The following DNAH9 variants were observed in gnomAD, a reference collection of about 807,000 sequenced individuals.
DNAH9 encodes DNAH9 variant protein.
In DNAH9, 345 loss-of-function variants were observed where a neutral mutation model predicts 471.6. The observed-to-expected ratio is 0.73, with a 90% CI of 0.67 to 0.80. DNAH9 has a LOEUF of 0.80. Ranked by LOEUF, DNAH9 falls within the 30% of genes least tolerant of loss-of-function variation. The pLI, the probability that DNAH9 is intolerant of heterozygous loss-of-function variation, is 0.00. For synonymous variants in DNAH9, 2,093 were observed against 2,123.6 expected (o/e 0.99, Z 0.40); for missense variants, 5,407 against 5,609.2 (o/e 0.96, Z 1.15).
chr17:11,960,192 T>C (rs562504033), intron 67 of DNAH9, among the ~76,000 whole-genome samples: 145 of 152,242 alleles, frequency 9.5e-4, no homozygotes, highest in Non-Finnish European at 1.5e-3. Context: ...TCCCAGCATT[T>C]TGGGAGGCCA....
At position 11,598,554 on chromosome 17, in the gene DNAH9, C is replaced by A; in HGVS notation, c.56C>A (p.Pro19His). ...GCGGCGGAGAACGCGGATGGGGAAC[C>A]CGGCGCCGACCGACGACTGCGACTC... ...ALAAENADGEPGADRRLRLLG... is the reference protein window; with the variant it reads ...ALAAENADGEHGADRRLRLLG... Residue 19 changes from proline to histidine, a missense_variant, in exon 1 of 69, where the codon CCC becomes CAC. By Grantham distance (77) the Pro-to-His change is moderately conservative. Transcript: ENST00000262442. 1.4e-6 allele frequency: 2 copies of A among 1,407,638 alleles called. No homozygotes were observed. Among genetic ancestry groups the A allele is most frequent in the Non-Finnish European group, 1.8e-6 (2 of 1,088,826 alleles). The allele number at this position is 1,407,638 out of a possible 1,614,324, so 87.2% of individuals were successfully genotyped here.
At chr17:11,700,377 C>G (rs2074568565) in intron 23 of DNAH9, among the ~76,000 whole-genome samples, 1 of 152,174 alleles carries the variant, frequency 6.6e-6, no homozygotes, top group East Asian at 1.9e-4. Flanking sequence ...GGAGAACAAA[C>G]TACCACCGTG....
chr17:11,749,734 T>C (rs1199001889), intron 32 of DNAH9, among the ~76,000 whole-genome samples: 1 of 152,144 alleles, frequency 6.6e-6, no homozygotes, highest in Non-Finnish European at 1.5e-5. Context: ...TTAAGTAAAC[T>C]ATCCTTTCCC....
In DNAH9 at chr17:11,629,431, G is replaced by C; in HGVS notation, c.1365G>C (p.Thr455=). 1.9e-6 allele frequency: 3 copies of C among 1,613,846 alleles called. No individual in the cohort carries two copies. The highest frequency in any genetic ancestry group is 2.5e-6 in the Non-Finnish European group (3 of 1,179,846). The part of the protein sequence containing the change: ...QLHVVEGLLK[T]ALDFHKLGKV... ...TGTCCCCATAGGGTCTTCTGAAGAC[G>C]GCCCTGGATTTCCACAAACTGGGAA... The change falls in exon 7 of 69, where the codon ACG becomes ACC. Residue 455 remains threonine (T), a synonymous_variant. Transcript: ENST00000262442.
At chr17:11,939,814 G>GGATGGATGGATGGATA (rs1974840232) in intron 66 of DNAH9, among the ~76,000 whole-genome samples, 10 of 150,920 alleles carry the variant, frequency 6.6e-5, no homozygotes. Flanking sequence ...ATACATGGAT[G>GGATGGATGGATGGATA]GATGGATGGA....
At position 11,959,079 on chromosome 17, in the gene DNAH9, A is replaced by C. The variant is rs888161853; in HGVS notation, c.12844-2788A>C. 4.0e-5 allele frequency among the ~76,000 whole-genome samples: 5 copies of C among 125,928 alleles called. No individual in the cohort carries two copies. In the South Asian group the frequency reaches 1.6e-3, roughly 40 times the overall value. 82.6% of individuals were successfully genotyped at this position (125,928 alleles called of 152,430 possible). ...AAGGCGTTTGACAAAATTGAACACC[A>C]AATCTTCATTTTAAAATATCAAAAA... On this transcript the variant is annotated intron_variant, in intron 67 of 68. Transcript: ENST00000262442.
Position 11,707,998 on chromosome 17 carries a change from CACACACACACACACACAGAGAGAGAGAG to C in DNAH9, c.5552+2815_5552+2842del, listed in dbSNP as rs1050310900. On this transcript the variant is annotated intron_variant, in intron 26 of 68. Transcript: ENST00000262442. ...ACACACACACACACACACACACACA[CACACACACACACACACAGAGAGAGAGAG>C]AGAGAGAGAGAGAGAGAGAGAGAGA... 3.1e-4 allele frequency among the ~76,000 whole-genome samples: 19 copies of C among 60,502 alleles called. No individual in the cohort carries two copies. The South Asian group carries it at 5.7e-3, about 18-fold the overall frequency. 39.7% of individuals were successfully genotyped at this position (60,502 alleles called of 152,430 possible).
chr17:11,700,298 G>A (rs1010329285), intron 23 of DNAH9, among the ~76,000 whole-genome samples: 1 of 152,122 alleles, frequency 6.6e-6, no homozygotes, highest in Non-Finnish European at 1.5e-5. Context: ...GGAACCAGCT[G>A]CTTTCCTGAG....
Position 11,883,676 on chromosome 17 carries a change from A to G in DNAH9, c.10897A>G (p.Asn3633Asp). 1 of 1,614,152 alleles carries G rather than the reference A, an allele frequency of 6.2e-7. No homozygotes were observed. The highest frequency in any genetic ancestry group is 8.5e-7 in the Non-Finnish European group (1 of 1,180,006). The stretch of plus-strand genomic sequence containing the variant: ...CTCTCGCCTCTCCTCCGCCTCTGGG[A>G]ACTTCCTGGGAGAAACAGTGCTGGT... Reference protein sequence around the residue: ...LLSRLSSASGNFLGETVLVEN... With the variant: ...LLSRLSSASGDFLGETVLVEN... The change falls in exon 56 of 69, where the codon AAC becomes GAC. Residue 3633 changes from asparagine (N) to aspartate (D), a missense_variant. Coordinates refer to ENST00000262442, the MANE Select transcript of DNAH9 (RefSeq NM_001372.4).
At chr17:11,780,568 T>C (rs948311135) in intron 38 of DNAH9, among the ~76,000 whole-genome samples, 1 of 152,310 alleles carries the variant, frequency 6.6e-6, no homozygotes, top group East Asian at 1.9e-4. Flanking sequence ...ATTTTTAGTA[T>C]GTAAACAAAG....
chr17:11,693,805 T>TG, intron 20 of DNAH9, 63 bp from the exon 21 acceptor site: 1 of 1,582,412 alleles, frequency 6.3e-7, no homozygotes. Context: ...ACTGGCTCCA[T>TG]GGAGGGAGCT....
Position 11,690,383 on chromosome 17 carries a change from C to A in DNAH9, c.4561C>A (p.His1521Asn), listed in dbSNP as rs1311304768. 6.2e-7 allele frequency: 1 copy of A among 1,614,108 alleles called. No individual in the cohort carries two copies. Among genetic ancestry groups the A allele is most frequent in the Non-Finnish European group, 8.5e-7 (1 of 1,179,976 alleles). Residue 1521 changes from histidine to asparagine, a missense_variant, in exon 20 of 69, where the codon CAC (histidine) becomes AAC (asparagine). By Grantham distance (68) the His-to-Asn change is moderately conservative. Transcript: ENST00000262442. ...GTTTGAAGTGCAGCGAACATGGACT[C>A]ACCTGGAAAGCATATTCACTGGATC... ...IWFEVQRTWT[H>N]LESIFTGSED...
chr17:11,629,973 T>C (rs755481469), intron 7 of DNAH9, among the ~76,000 whole-genome samples: 1 of 151,912 alleles, frequency 6.6e-6, no homozygotes, highest in Non-Finnish European at 1.5e-5. Context: ...CTCAACTATA[T>C]GAGGCATCTG....
At chr17:11,940,098 T>A (rs1425163262) in intron 66 of DNAH9, among the ~76,000 whole-genome samples, 1 of 152,206 alleles carries the variant, frequency 6.6e-6, no homozygotes, top group Admixed American at 6.5e-5. Context: ...ATCAGAAATG[T>A]TTAGATTTTT....
rs1288209039 is a variant in DNAH9, at chr17:11,894,498, T to G, written c.11406+2T>G. Reference sequence around the variant, plus strand: ...CATCAGGCGTGGGGAGCTGTCAAGGTCAGTATTGACCCCTAGAAAAAAGCC... The same window carrying G: ...CATCAGGCGTGGGGAGCTGTCAAGGGCAGTATTGACCCCTAGAAAAAAGCC... On this transcript the variant is annotated splice_donor_variant, in intron 59 of 68. Transcript: ENST00000262442. LOFTEE classifies it high-confidence loss of function. 6.2e-7 allele frequency: 1 copy of G among 1,613,888 alleles called. No homozygotes were observed. Among genetic ancestry groups the G allele is most frequent in the Non-Finnish European group, 8.5e-7 (1 of 1,179,882 alleles).
intron 61 of DNAH9, among the ~76,000 whole-genome samples, chr17:11,922,184 A>AG (rs1165855248): frequency 2.0e-5 from 3 of 152,242 alleles, no homozygotes; most frequent in Admixed American, 2.0e-4. Flanking sequence ...TTTCAATGAC[A>AG]GTCTATACAT....
At chr17:11,967,501 A>T (rs553668977) in intron 68 of DNAH9, among the ~76,000 whole-genome samples, 1 of 152,362 alleles carries the variant, frequency 6.6e-6, no homozygotes, top group South Asian at 2.1e-4. Flanking sequence ...TATATCTGGT[A>T]ATACAAGAGA....
At chr17:11,671,088 G>A (rs1341580199) in intron 17 of DNAH9, among the ~76,000 whole-genome samples, 2 of 152,192 alleles carry the variant, frequency 1.3e-5, no homozygotes, top group Non-Finnish European at 2.9e-5. Context: ...GCAAGAAGAG[G>A]AAATGCTGAT....
At chr17:11,779,103 C>T (rs988460789) in intron 38 of DNAH9, among the ~76,000 whole-genome samples, 2 of 152,146 alleles carry the variant, frequency 1.3e-5, no homozygotes, top group African/African-American at 2.4e-5. Flanking sequence ...GCAGCTGACA[C>T]GGGTCTGTGT....
Sources: allele counts gnomAD v4.1 joint callset (sites outside exome capture counted in the v4.1 genomes callset), GRCh38; gene constraint gnomAD v4.1.1; transcripts MANE v1.5; gene names NCBI Gene and HGNC (gene_info 2026-07-23, HGNC 2026-07-21).